The following BIN3 variants were observed in gnomAD, a reference collection of about 807,000 sequenced individuals.
BIN3 encodes bridging integrator 3.
In BIN3, 41 loss-of-function variants were observed where a neutral mutation model predicts 38.2. That is an observed-to-expected ratio of 1.07 (90% CI 0.84 to 1.39). The LOEUF (loss-of-function observed/expected upper bound fraction) is 1.39. Ranked by LOEUF, BIN3 falls within the 40% of genes most tolerant of loss-of-function variation. The probability of loss-of-function intolerance (pLI) is 0.00; values close to 1 mark genes in which losing one functional copy is unlikely to be tolerated. For synonymous variants in BIN3, 145 were observed against 122.6 expected (o/e 1.18, Z -1.21); for missense variants, 361 against 324.3 (o/e 1.11, Z -0.87).
rs1353924094 is a variant in BIN3 at position 22,620,723 on chromosome 8, T to C, written c.*699A>G. The C allele has an allele frequency of 6.6e-6, 1 of 152,256 alleles. No homozygotes were observed. The highest frequency in any genetic ancestry group is 2.4e-5 in the African/African-American group (1 of 41,468). 9.4% of individuals were successfully genotyped at this position (152,256 alleles called of 1,614,324 possible). On this transcript the variant is annotated 3_prime_UTR_variant, in exon 9 of 9. Transcript: ENST00000276416. ...GCACAATACTATGTGGACGTTTCATTGAAAATTTTACTTGAAAAAATAAAA... is the reference window on the plus strand; with the variant it reads ...GCACAATACTATGTGGACGTTTCATCGAAAATTTTACTTGAAAAAATAAAA...
intron 1 of BIN3, among the ~76,000 whole-genome samples, chr8:22,667,162 T>G (rs1803448806): frequency 6.6e-6 from 1 of 152,176 alleles, no homozygotes; most frequent in African/African-American, 2.4e-5. Flanking sequence ...GCTGTGACTC[T>G]CAGTCCAAGG....
chr8:22,652,213 T>C (rs1802923686), intron 1 of BIN3, among the ~76,000 whole-genome samples: 1 of 152,134 alleles, frequency 6.6e-6, no homozygotes, highest in Non-Finnish European at 1.5e-5. Flanking sequence ...TTTTCCATAC[T>C]AAGTGCTTTC....
chr8:22,651,348 C>T (rs955747208), intron 1 of BIN3, among the ~76,000 whole-genome samples: 6 of 152,204 alleles, frequency 3.9e-5, no homozygotes, highest in Non-Finnish European at 8.8e-5. Flanking sequence ...ACTGCTGCCT[C>T]GCTCCAACCT....
chr8:22,665,429 C>T (rs1299319758), intron 1 of BIN3, among the ~76,000 whole-genome samples: 1 of 152,178 alleles, frequency 6.6e-6, no homozygotes, highest in Non-Finnish European at 1.5e-5. Flanking sequence ...CAAGAACTCA[C>T]AGACAAGTAA....
At chr8:22,629,105 G>A (rs775813256) in intron 6 of BIN3, among the ~76,000 whole-genome samples, 2 of 152,222 alleles carry the variant, frequency 1.3e-5, no homozygotes, top group Non-Finnish European at 2.9e-5. Context: ...CACAATCAAC[G>A]AACAGCTCAG....
At chr8:22,668,794 C>T (rs1224368989) in intron 1 of BIN3, among the ~76,000 whole-genome samples, 3 of 152,224 alleles carry the variant, frequency 2.0e-5, no homozygotes, top group Admixed American at 2.0e-4. Context: ...GACGCGAGTC[C>T]GGCAAAACGG....
At chr8:22,646,766 G>A (rs963285567) in intron 1 of BIN3, among the ~76,000 whole-genome samples, 1 of 152,206 alleles carries the variant, frequency 6.6e-6, no homozygotes, top group Non-Finnish European at 1.5e-5. Context: ...AGGTTCACGG[G>A]GAGATGGGTT....
At chr8:22,653,910 C>G (rs1278476646) in intron 1 of BIN3, among the ~76,000 whole-genome samples, 1 of 83,178 alleles carries the variant, frequency 1.2e-5, no homozygotes, top group Non-Finnish European at 2.3e-5. Flanking sequence ...GTGTAGGACT[C>G]TTCATTCTTC....
At chr8:22,655,294 T>C (rs1803020095) in intron 1 of BIN3, among the ~76,000 whole-genome samples, 1 of 147,728 alleles carries the variant, frequency 6.8e-6, no homozygotes, top group Admixed American at 6.6e-5. Context: ...AAGTCCAATT[T>C]ATCTGTTTTT....
Position 22,634,378 on chromosome 8 carries a change from C to T in BIN3, c.160+2147G>A, listed in dbSNP as rs550620445. 111 of 419,048 alleles carry T rather than the reference C, an allele frequency of 2.6e-4. 5 individuals carry two copies. Among genetic ancestry groups the T allele is most frequent in the South Asian group, 1.8e-3 (106 of 58,258 alleles). 26.0% of individuals were successfully genotyped at this position (419,048 alleles called of 1,614,324 possible). A position where few individuals can be genotyped will look rare whatever the true frequency, so the allele number is the denominator to read the frequency against. ...TGAAAATTCATGGCACAGACCAAGA[C>T]GGCCACAGTCCCTGCACAGGCAGTC... On this transcript the variant is annotated intron_variant, in intron 4 of 8. Coordinates refer to ENST00000276416, the MANE Select transcript of BIN3 (RefSeq NM_018688.6).
chr8:22,626,412 G>C (rs755414695), intron 6 of BIN3: 1 of 152,280 alleles, frequency 6.6e-6, no homozygotes, highest in Non-Finnish European at 1.5e-5. Flanking sequence ...TTCCTGGGCA[G>C]CTGAGAGGCA....
chr8:22,636,078 T>C (rs1802356037), intron 4 of BIN3, among the ~76,000 whole-genome samples: 1 of 152,206 alleles, frequency 6.6e-6, no homozygotes, highest in Non-Finnish European at 1.5e-5. Flanking sequence ...ATTTCTGGCC[T>C]TACACTTTAA....
At chr8:22,634,594 C>G (rs1241307612) in intron 4 of BIN3, 1 of 453,878 alleles carries the variant, frequency 2.2e-6, no homozygotes, top group Non-Finnish European at 4.4e-6. Flanking sequence ...TTCCTCGTAA[C>G]TGCAGTACCA....
intron 6 of BIN3, among the ~76,000 whole-genome samples, chr8:22,626,731 G>A (rs1357972359): frequency 6.6e-6 from 1 of 152,200 alleles, no homozygotes; most frequent in Non-Finnish European, 1.5e-5. Flanking sequence ...GCATCACAGC[G>A]TGAAGCCGTG....
intron 2 of BIN3, among the ~76,000 whole-genome samples, chr8:22,637,653 A>C (rs1802415671): frequency 6.6e-6 from 1 of 152,228 alleles, no homozygotes. Context: ...TAAGAAGTCT[A>C]GTACTTTCTT....
At chr8:22,659,758 C>T (rs1803173275) in intron 1 of BIN3, among the ~76,000 whole-genome samples, 2 of 152,204 alleles carry the variant, frequency 1.3e-5, no homozygotes, top group Non-Finnish European at 2.9e-5. Context: ...CCTCACCTTC[C>T]TGTGTCTCCG....
chr8:22,643,335 A>AT (rs1802620905), intron 2 of BIN3, among the ~76,000 whole-genome samples: 1 of 134,354 alleles, frequency 7.4e-6, no homozygotes, highest in Non-Finnish European at 1.7e-5. Flanking sequence ...CCACCCCCCA[A>AT]CTTTTTTTTT....
chr8:22,636,740 C>A, intron 3 of BIN3, 154 bp from the exon 4 acceptor site: 1 of 995,000 alleles, frequency 1.0e-6, no homozygotes, highest in Admixed American at 2.1e-5. Flanking sequence ...CACCCAAAGG[C>A]TATGAGTGAA....
chr8:22,666,784 C>G (rs1349754542), intron 1 of BIN3, among the ~76,000 whole-genome samples: 1 of 152,176 alleles, frequency 6.6e-6, no homozygotes, highest in Non-Finnish European at 1.5e-5. Flanking sequence ...GGACCATGGG[C>G]CATGTGCCTT....
Sources: gnomAD v4.1 joint callset for allele counts (sites outside exome capture counted in the v4.1 genomes callset) on GRCh38, gnomAD v4.1.1 for gene constraint, MANE v1.5 for transcripts, NCBI Gene and HGNC (gene_info 2026-07-23, HGNC 2026-07-21) for gene names.